AEBP1: variants seen among roughly 807,000 people sequenced by gnomAD.
AEBP1 encodes the protein AE binding protein 1.
AEBP1 carries 69 observed loss-of-function variants against 116.5 expected under a neutral mutation model. That is an observed-to-expected ratio of 0.59 (90% CI 0.49 to 0.72). The LOEUF (loss-of-function observed/expected upper bound fraction) is 0.72, where lower values mean the gene tolerates loss of function less well. AEBP1 is among the 30% of genes least tolerant of loss of function. AEBP1 has a pLI of 0.00. For missense variants in AEBP1, 1,444 were observed against 1,557.5 expected, an observed-to-expected ratio of 0.93 and a Z score of 1.23; for synonymous variants, 627 against 627.3, an observed-to-expected ratio of 1.00 and a Z score of 0.01.
At position 44,112,466 on chromosome 7, in the gene AEBP1, A is replaced by C; in HGVS notation, c.2218-92A>C. The C allele has an allele frequency of 2.2e-6, 3 of 1,387,632 alleles. No individual in the cohort carries two copies. Among genetic ancestry groups the C allele is most frequent in the Non-Finnish European group, 2.9e-6 (3 of 1,022,214 alleles). The allele number at this position is 1,387,632 out of a possible 1,614,324, so 86.0% of individuals were successfully genotyped here. On this transcript the variant is annotated intron_variant, in intron 17 of 20. Transcript: ENST00000223357. The surrounding 1 kb of genome is among the most constrained non-coding windows in gnomAD (Gnocchi z 6.6). The stretch of plus-strand genomic sequence containing the variant: ...TTGGGGGACAGGGGATCGTGCGAGT[A>C]CTGGTGTGAAGCTTCATGGAGGGTG...
At position 44,114,045 on chromosome 7, in the gene AEBP1, A is replaced by AGAGGTGGTGACAGAGTTTGGGACC. The variant is rs779995818; in HGVS notation, c.3269_3292dup (p.Val1090_Val1097dup). 7.5e-5 allele frequency: 121 copies of AGAGGTGGTGACAGAGTTTGGGACC among 1,614,106 alleles called. No homozygotes were observed. In the African/African-American group the frequency reaches 1.5e-3, roughly 20 times the overall value. Reference sequence around the variant, plus strand: ...AGGAGTCGGAGACTGAGACCTACACAGAGGTGGTGACAGAGTTTGGGACCG... The same window carrying AGAGGTGGTGACAGAGTTTGGGACC: ...AGGAGTCGGAGACTGAGACCTACACAGAGGTGGTGACAGAGTTTGGGACCGAGGTGGTGACAGAGTTTGGGACCG... On this transcript the variant is annotated inframe_insertion, in exon 21 of 21. Coordinates refer to ENST00000223357, the MANE Select transcript of AEBP1 (RefSeq NM_001129.5).
chr7:44,104,870 G>T lies in AEBP1; in HGVS notation c.205G>T (p.Ala69Ser). The T allele has an allele frequency of 6.4e-7, 1 of 1,565,108 alleles. No homozygotes were observed. Among genetic ancestry groups the T allele is most frequent in the Non-Finnish European group, 8.7e-7 (1 of 1,155,466 alleles). ...PPEPTPRVRKAQAGGKPGKRP... is the reference protein window; with the variant it reads ...PPEPTPRVRKSQAGGKPGKRP... The stretch of plus-strand genomic sequence containing the variant: ...CGAGCCCACCCCGCGGGTCCGAAAA[G>T]CCCAGGCGGGGGGCAAGCCAGGGAA... Residue 69 changes from alanine to serine, a missense_variant, in exon 1 of 21, where the codon GCC becomes TCC. Coordinates refer to ENST00000223357, the MANE Select transcript of AEBP1 (RefSeq NM_001129.5).
intron 9 of AEBP1, 45 bp downstream of exon 9, chr7:44,109,386 G>A: frequency 6.8e-7 from 1 of 1,461,050 alleles, no homozygotes; most frequent in Non-Finnish European, 9.1e-7. Flanking sequence ...CCACAGGATG[G>A]GGGTGCTGGG....
chr7:44,109,507 C>T, intron 9 of AEBP1, 166 bp downstream of exon 9: 6 of 751,776 alleles, frequency 8.0e-6, no homozygotes, highest in Middle Eastern at 3.9e-4. Context: ...GATAGCCTCG[C>T]TTGGCTGCCC....
chr7:44,106,592 C>T lies in AEBP1; in HGVS notation c.300C>T (p.Asp100=), dbSNP rs765283370. 5 of 1,608,600 alleles carry T rather than the reference C, an allele frequency of 3.1e-6. No individual in the cohort carries two copies. The South Asian group carries it at 5.5e-5, about 18-fold the overall frequency. ...TKDKGKKGKK[D]KGPKVPKESL... is the part of the protein sequence containing the mutation. The stretch of plus-strand genomic sequence containing the variant: ...ACAAAGGGAAGAAAGGCAAGAAAGA[C>T]AAAGGCCCCAAGGTGCCCAAGGAGT... Residue 100 remains aspartate, a synonymous_variant, in exon 2 of 21, where the codon GAC becomes GAT. Coordinates refer to ENST00000223357, the MANE Select transcript of AEBP1 (RefSeq NM_001129.5).
Position 44,113,871 on chromosome 7 carries a change from TCGGGCACAGATGCGGCTG to T in AEBP1, c.3091_3108del (p.Ala1031_Arg1036del), listed in dbSNP as rs1220897659. ...GACGCCTACAACACCGCCTGCGGCTTCGGGCACAGATGCGGCTGCGGCGCCTCAACGCCACCACCACCC... is the reference window on the plus strand; with the variant it reads ...GACGCCTACAACACCGCCTGCGGCTTCGGCGCCTCAACGCCACCACCACCC... On this transcript the variant is annotated inframe_deletion, in exon 21 of 21. Transcript: ENST00000223357. This position sits in a 1 kb window ranked among gnomAD's most constrained non-coding sequence, Gnocchi z 5.3. 6.2e-7 allele frequency: 1 copy of T among 1,613,668 alleles called. No homozygotes were observed. The highest frequency in any genetic ancestry group is 1.1e-5 in the South Asian group (1 of 91,070).
Position 44,109,347 on chromosome 7 carries a change from T to TG in AEBP1, c.1150+12dup. The TG allele has an allele frequency of 1.5e-6, 1 of 653,558 alleles. No individual in the cohort carries two copies. The highest frequency in any genetic ancestry group is 2.0e-6 in the Non-Finnish European group (1 of 500,526). The allele number at this position is 653,558 out of a possible 1,614,324, so 40.5% of individuals were successfully genotyped here. Reference sequence around the variant, plus strand: ...GACGCCTACGGAGAAAGTCAGTAAGTGGGGGGCACAAGGGGGTGAGGGTGG... The same window carrying TG: ...GACGCCTACGGAGAAAGTCAGTAAGTGGGGGGGCACAAGGGGGTGAGGGTGG... On this transcript the variant is annotated splice_region_variant and intron_variant, in intron 9 of 20. Transcript: ENST00000223357.
chr7:44,105,545 ATCCCTGTC>A (rs2096222126), intron 1 of AEBP1, among the ~76,000 whole-genome samples: 2 of 152,014 alleles, frequency 1.3e-5, no homozygotes, highest in African/African-American at 4.8e-5. Flanking sequence ...GGGTCTTGTG[ATCCCTGTC>A]TCCCAGGAGA....
chr7:44,109,316 G>A lies in AEBP1; in HGVS notation c.1125G>A (p.Glu375=), dbSNP rs750519777. Residue 375 remains glutamate (E), a synonymous_variant, in exon 9 of 21, where the codon GAG becomes GAA. Transcript: ENST00000223357. Reference sequence around the variant, plus strand: ...CCCGAAAGGGCGAGGAGTTGGAGGAGGAGTGGACGCCTACGGAGAAAGTCA... The same window carrying A: ...CCCGAAAGGGCGAGGAGTTGGAGGAAGAGTGGACGCCTACGGAGAAAGTCA... ...KEPRKGEELE[E]EWTPTEKVKC... The A allele has an allele frequency of 3.0e-5, 48 of 1,607,000 alleles. No individual in the cohort carries two copies. The highest frequency in any genetic ancestry group is 3.7e-5 in the Non-Finnish European group (43 of 1,176,646).
In AEBP1 at chr7:44,104,582, C is replaced by A; in HGVS notation, c.-84C>A. The A allele has an allele frequency of 1.1e-6, 1 of 931,838 alleles. No homozygotes were observed. 57.7% of individuals were successfully genotyped at this position (931,838 alleles called of 1,614,324 possible). ...CCTTCCTGGATTCCCTCACCCGTCT[C>A]GATCCCCTCTCCGCCCTTTCCCAGA... On this transcript the variant is annotated 5_prime_UTR_variant, in exon 1 of 21. Coordinates refer to ENST00000223357, the MANE Select transcript of AEBP1 (RefSeq NM_001129.5).
rs777463013 is a variant in AEBP1 at position 44,107,854 on chromosome 7, G to A, written c.785G>A (p.Arg262Lys). The change falls in exon 5 of 21, where the codon AGA becomes AAA. Residue 262 changes from arginine (R) to lysine (K), a missense_variant. Transcript: ENST00000223357. The surrounding 1 kb of genome is among the most constrained non-coding windows in gnomAD (Gnocchi z 4.3). The part of the protein sequence containing the change: ...RQKQPRPPPS[R>K]RRRPERVWPE... ...AAGCAACCCAGGCCACCCCCAAGCAGAAGGAGGAGGCCCGAGCGGGTCTGG... is the reference window on the plus strand; with the variant it reads ...AAGCAACCCAGGCCACCCCCAAGCAAAAGGAGGAGGCCCGAGCGGGTCTGG... 1 of 1,610,564 alleles carries A rather than the reference G, an allele frequency of 6.2e-7. No individual in the cohort carries two copies. The highest frequency in any genetic ancestry group is 1.1e-5 in the South Asian group (1 of 90,740).
In AEBP1 at chr7:44,108,908, A is replaced by G. The variant is rs376785882; in HGVS notation, c.950A>G (p.Tyr317Cys). 1.9e-6 allele frequency: 3 copies of G among 1,583,324 alleles called. No individual in the cohort carries two copies. Among genetic ancestry groups the G allele is most frequent in the Non-Finnish European group, 2.6e-6 (3 of 1,165,650 alleles). The part of the protein sequence containing the change: ...VIPNYDDMDY[Y>C]FGPPPPQKPD... ...CTCTCCCTCCCCATAGTGGACTATTACTTTGGGCCTCCTCCGCCCCAGAAG... is the reference window on the plus strand; with the variant it reads ...CTCTCCCTCCCCATAGTGGACTATTGCTTTGGGCCTCCTCCGCCCCAGAAG... The change falls in exon 7 of 21, where the codon TAC becomes TGC. Residue 317 changes from tyrosine (Y) to cysteine (C), a missense_variant. Coordinates refer to ENST00000223357, the MANE Select transcript of AEBP1 (RefSeq NM_001129.5). The surrounding 1 kb of genome is among the most constrained non-coding windows in gnomAD (Gnocchi z 5.0).
Position 44,109,190 on chromosome 7 carries a change from T to C in AEBP1, c.1096+6T>C. On this transcript the variant is annotated splice_donor_region_variant and intron_variant, in intron 8 of 20. Transcript: ENST00000223357. ...GAAGGGCAAGGACCACAAAGGTGTG[T>C]GGCTGGGGCTTGGGGCCTGGGTCCC... 1 of 1,613,642 alleles carries C rather than the reference T, an allele frequency of 6.2e-7. No individual in the cohort carries two copies. Among genetic ancestry groups the C allele is most frequent in the Non-Finnish European group, 8.5e-7 (1 of 1,179,948 alleles).
Position 44,112,462 on chromosome 7 carries a change from G to C in AEBP1, c.2218-96G>C, listed in dbSNP as rs1404003790. The C allele has an allele frequency of 7.2e-6, 10 of 1,393,292 alleles. No homozygotes were observed. The highest frequency in any genetic ancestry group is 8.7e-6 in the Non-Finnish European group (9 of 1,029,334). 86.3% of individuals were successfully genotyped at this position (1,393,292 alleles called of 1,614,324 possible). A position where few individuals can be genotyped will look rare whatever the true frequency, so the allele number is the denominator to read the frequency against. On this transcript the variant is annotated intron_variant, in intron 17 of 20. Transcript: ENST00000223357. This position sits in a 1 kb window ranked among gnomAD's most constrained non-coding sequence, Gnocchi z 6.6. ...GGGGTTGGGGGACAGGGGATCGTGC[G>C]AGTACTGGTGTGAAGCTTCATGGAG...
rs201978706 is a variant in AEBP1, at chr7:44,104,788, C to T, written c.123C>T (p.Phe41=). ...AGATCGAGGAGTTCCTCGAGGGCTTCCTGTCAGAGCTAGAACCTGAGCCCC... is the reference window on the plus strand; with the variant it reads ...AGATCGAGGAGTTCCTCGAGGGCTTTCTGTCAGAGCTAGAACCTGAGCCCC... ...DDEIEEFLEG[F]LSELEPEPRE... The change falls in exon 1 of 21, where the codon TTC becomes TTT. Residue 41 remains phenylalanine, a synonymous_variant. Transcript: ENST00000223357. The T allele has an allele frequency of 1.1e-5, 18 of 1,611,022 alleles. No homozygotes were observed. Among genetic ancestry groups the T allele is most frequent in the Middle Eastern group, 1.7e-4 (1 of 6,056 alleles).
chr7:44,107,415 G>A lies in AEBP1; in HGVS notation c.596-24G>A. 1 of 1,612,662 alleles carries A rather than the reference G, an allele frequency of 6.2e-7. No individual in the cohort carries two copies. Among genetic ancestry groups the A allele is most frequent in the Non-Finnish European group, 8.5e-7 (1 of 1,179,550 alleles). ...GTCAGAGCAGGCCTCCCGCCCACCT[G>A]CTTCTGGAACTCCTGTGTTGCAGGG... On this transcript the variant is annotated intron_variant, in intron 2 of 20. Transcript: ENST00000223357. This position sits in a 1 kb window ranked among gnomAD's most constrained non-coding sequence, Gnocchi z 4.3.
chr7:44,109,439 G>A (rs925669039), intron 9 of AEBP1, 98 bp downstream of exon 9: 68 of 1,326,636 alleles, frequency 5.1e-5, no homozygotes, highest in African/African-American at 7.3e-5. Flanking sequence ...CCAGGTCCCC[G>A]GAACCCTTTC....
chr7:44,113,110 C>T lies in AEBP1; in HGVS notation c.2689C>T (p.Leu897=), dbSNP rs776188529. The T allele has an allele frequency of 6.2e-7, 1 of 1,614,060 alleles. No individual in the cohort carries two copies. Among genetic ancestry groups the T allele is most frequent in the East Asian group, 2.2e-5 (1 of 44,852 alleles). ...CGAGTGGGAGAACAACAAGGAGGCG[C>T]TGCTCACCTTCATGGAGCAGGTGGG... The part of the protein sequence containing the change: ...PREWENNKEA[L]LTFMEQVHRG... The change falls in exon 19 of 21, where the codon CTG becomes TTG. Residue 897 remains leucine (L), a synonymous_variant. Transcript: ENST00000223357. This position sits in a 1 kb window ranked among gnomAD's most constrained non-coding sequence, Gnocchi z 5.3.
chr7:44,111,651 G>A lies in AEBP1; in HGVS notation c.1840+21G>A, dbSNP rs1431738945. ...ACTGGGTGAGGGTCTGTGGGGGCCA[G>A]CAGCTGGCCTCTGCTGCTGATGTGC... On this transcript the variant is annotated intron_variant, in intron 15 of 20. Coordinates refer to ENST00000223357, the MANE Select transcript of AEBP1 (RefSeq NM_001129.5). This position sits in a 1 kb window ranked among gnomAD's most constrained non-coding sequence, Gnocchi z 4.7. The A allele has an allele frequency of 1.9e-6, 3 of 1,609,448 alleles. No individual in the cohort carries two copies. The highest frequency in any genetic ancestry group is 2.2e-5 in the South Asian group (2 of 90,832).
Sources: gnomAD v4.1 joint callset for allele counts (sites outside exome capture counted in the v4.1 genomes callset) on GRCh38, gnomAD v4.1.1 for gene constraint, Gnocchi (gnomAD v3.1) non-coding constraint, MANE v1.5 for transcripts, NCBI Gene and HGNC (gene_info 2026-07-23, HGNC 2026-07-21) for gene names.